Variants in TKT observed in about 807,000 individuals in gnomAD.
TKT encodes transketolase, also known as epididymis luminal protein 107.
TKT carries 47 observed loss-of-function variants against 63.9 expected under a neutral mutation model. That is an observed-to-expected ratio of 0.74 (90% confidence interval 0.58 to 0.94). The LOEUF is 0.94. TKT is among the 40% of genes least tolerant of loss of function. The pLI, the probability that TKT is intolerant of heterozygous loss-of-function variation, is 0.00. For synonymous variants in TKT, 338 were observed against 334.1 expected (o/e 1.01, Z -0.13); for missense variants, 721 against 846.2 (o/e 0.85, Z 1.84).
At chr3:53,254,282 G>A (rs1705882608) in intron 1 of TKT, among the ~76,000 whole-genome samples, 1 of 152,198 alleles carries the variant, frequency 6.6e-6, no homozygotes, top group Non-Finnish European at 1.5e-5. Flanking sequence ...GAGCTACCGT[G>A]TGCCAGGCTG....
chr3:53,225,738 C>T lies in TKT; in HGVS notation c.*18G>A, dbSNP rs781905228. The T allele has an allele frequency of 2.8e-5, 45 of 1,595,742 alleles. No homozygotes were observed. The highest frequency in any genetic ancestry group is 3.9e-5 in the Non-Finnish European group (45 of 1,167,754). ...TCTCAGGAATGTATAGACCCCCGCCCCACACTTCATACCCGCCCTAGGCCT... is the reference window on the plus strand; with the variant it reads ...TCTCAGGAATGTATAGACCCCCGCCTCACACTTCATACCCGCCCTAGGCCT... On this transcript the variant is annotated 3_prime_UTR_variant, in exon 14 of 14. Coordinates refer to ENST00000462138, the MANE Select transcript of TKT (RefSeq NM_001064.4).
intron 1 of TKT, among the ~76,000 whole-genome samples, chr3:53,251,921 C>T (rs1213798449): frequency 6.6e-6 from 1 of 152,194 alleles, no homozygotes; most frequent in Non-Finnish European, 1.5e-5. Flanking sequence ...GGGCGGATCA[C>T]CTGAGGTCAG....
At chr3:53,247,659 A>AAAAAAACC in intron 1 of TKT, among the ~76,000 whole-genome samples, 1 of 145,588 alleles carries the variant, frequency 6.9e-6, no homozygotes, top group Non-Finnish European at 1.5e-5. Flanking sequence ...AAAAAAAAAT[A>AAAAAAACC]CTCAGGAGAG....
intron 4 of TKT, among the ~76,000 whole-genome samples, chr3:53,239,974 A>G (rs1453761881): frequency 6.6e-6 from 1 of 152,182 alleles, no homozygotes; most frequent in African/African-American, 2.4e-5. Flanking sequence ...AGAGCACATG[A>G]TTGAGAGCAC....
intron 1 of TKT, among the ~76,000 whole-genome samples, chr3:53,249,978 G>GC (rs1705679091): frequency 6.6e-6 from 1 of 152,222 alleles, no homozygotes; most frequent in Admixed American, 6.5e-5. Context: ...CACAACAGGG[G>GC]CCGGACATCA....
In TKT at chr3:53,230,506, T is replaced by C. The variant is rs1407846779; in HGVS notation, c.1058A>G (p.Lys353Arg). 10 of 1,614,036 alleles carry C rather than the reference T, an allele frequency of 6.2e-6. No homozygotes were observed. The highest frequency in any genetic ancestry group is 8.5e-6 in the Non-Finnish European group (10 of 1,179,974). ...CTCGATGAAGCGGTCCGGGTGCTCCTTTTTGAAGATCTCCGAGAAGGTGGA... is the reference window on the plus strand; with the variant it reads ...CTCGATGAAGCGGTCCGGGTGCTCCCTTTTGAAGATCTCCGAGAAGGTGGA... ...KNSTFSEIFK[K>R]EHPDRFIECY... The change falls in exon 8 of 14, where the codon AAG becomes AGG. Residue 353 changes from lysine (K) to arginine (R), a missense_variant. Physicochemically the swap from Lys to Arg is conservative, Grantham distance 26 (BLOSUM62 2). Coordinates refer to ENST00000462138, the MANE Select transcript of TKT (RefSeq NM_001064.4).
chr3:53,250,406 T>C (rs1447815998), intron 1 of TKT, among the ~76,000 whole-genome samples: 1 of 152,096 alleles, frequency 6.6e-6, no homozygotes, highest in Non-Finnish European at 1.5e-5. Flanking sequence ...CAGCGGGCGG[T>C]GGGACCCCGG....
intron 1 of TKT, among the ~76,000 whole-genome samples, chr3:53,255,047 T>G (rs534244856): frequency 3.9e-5 from 6 of 152,180 alleles, no homozygotes; most frequent in Non-Finnish European, 5.9e-5. Flanking sequence ...TCAGTCTCCT[T>G]GCCCTCCGCC....
In TKT at chr3:53,241,126, A is replaced by C. The variant is rs1705252234; in HGVS notation, c.339+6T>G. The C allele has an allele frequency of 6.5e-7, 1 of 1,549,724 alleles. No homozygotes were observed. The highest frequency in any genetic ancestry group is 8.6e-7 in the Non-Finnish European group (1 of 1,156,898). ...AGGCATGGGAGGCTCTGGCAGGAGC[A>C]CTTACCGGGACCGGGTGCCCGTCCA... On this transcript the variant is annotated splice_donor_region_variant and intron_variant, in intron 3 of 13. Coordinates refer to ENST00000462138, the MANE Select transcript of TKT (RefSeq NM_001064.4).
intron 1 of TKT, among the ~76,000 whole-genome samples, chr3:53,245,178 C>T (rs1330520421): frequency 1.6e-4 from 25 of 151,664 alleles, no homozygotes; most frequent in Admixed American, 6.6e-5. Flanking sequence ...TGGTGGTGGA[C>T]GCCTGTAATC....
At chr3:53,228,687 CCA>C in intron 10 of TKT, 2 of 509,556 alleles carry the variant, frequency 3.9e-6, no homozygotes. Context: ...CGGGCCTGGA[CCA>C]CAGGGCTCAG....
rs1330594047 is a variant in TKT at position 53,235,314 on chromosome 3, C to T, written c.438-140G>A. On this transcript the variant is annotated intron_variant, in intron 4 of 13. Transcript: ENST00000462138. ...ATGCAGAACAGATGGCATTTACACT[C>T]GAGGGGCAACAGTGTCACCAGGTTC... 9.8e-5 allele frequency: 69 copies of T among 704,078 alleles called. No homozygotes were observed. The South Asian group carries it at 1.5e-3, about 15-fold the overall frequency. 43.6% of individuals were successfully genotyped at this position (704,078 alleles called of 1,614,324 possible).
chr3:53,230,390 C>T (rs1575560868), intron 8 of TKT, 67 bp downstream of exon 8: 7 of 1,599,606 alleles, frequency 4.4e-6, no homozygotes, highest in Non-Finnish European at 6.0e-6. Flanking sequence ...AACATGGCTG[C>T]CCCGCACCCC....
At position 53,241,390 on chromosome 3, in the gene TKT, T is replaced by A. The variant is rs1442936851; in HGVS notation, c.226-145A>T. ...GGGGAGGAAGCAAGTGAAGGCCACT[T>A]CTCCCCTTTCAGCCCTCTTCAGCCT... is the stretch of plus-strand genomic sequence containing the variant. On this transcript the variant is annotated intron_variant, in intron 2 of 13. Coordinates refer to ENST00000462138, the MANE Select transcript of TKT (RefSeq NM_001064.4). 6 of 664,492 alleles carry A rather than the reference T, an allele frequency of 9.0e-6. No homozygotes were observed. The Admixed American group carries it at 1.8e-4, about 20-fold the overall frequency. The allele number at this position is 664,492 out of a possible 1,614,324, so 41.2% of individuals were successfully genotyped here.
In TKT at chr3:53,243,659, C is replaced by T. The variant is rs12635973; in HGVS notation, c.108-1417G>A. 2,241 of 455,824 alleles carry T rather than the reference C, an allele frequency of 4.9e-3. 16 individuals carry two copies. The highest frequency in any genetic ancestry group is 6.7e-3 in the Non-Finnish European group (1,527 of 226,740). 28.2% of individuals were successfully genotyped at this position (455,824 alleles called of 1,614,324 possible). On this transcript the variant is annotated intron_variant, in intron 1 of 13. Transcript: ENST00000462138. ...AGGGGAGGACATGGTAAACGAGAAA[C>T]CCTTTTCTGCCTGGCAGGGACCCTA...
intron 5 of TKT, chr3:53,234,154 A>C (rs1405758881): frequency 1.3e-5 from 2 of 152,252 alleles, no homozygotes; most frequent in Non-Finnish European, 2.9e-5. Context: ...TGTCCAACAG[A>C]GATTATTTCC....
chr3:53,251,185 C>T (rs1362598081), intron 1 of TKT, among the ~76,000 whole-genome samples: 1 of 152,222 alleles, frequency 6.6e-6, no homozygotes, highest in East Asian at 1.9e-4. Flanking sequence ...AGCTGTGGGT[C>T]AGAAACCCTG....
At chr3:53,252,857 G>C (rs1192198629) in intron 1 of TKT, among the ~76,000 whole-genome samples, 1 of 130,510 alleles carries the variant, frequency 7.7e-6, no homozygotes, top group South Asian at 2.3e-4. Context: ...TTTTTTTTTT[G>C]AGAAGAAGTT....
chr3:53,232,033 C>T lies in TKT; in HGVS notation c.749-483G>A, dbSNP rs115166443. ...CAGGGTCACCCAATGCATCTGTGAG[C>T]AGCAGAGGAGTCTATAAGCACCTAG... On this transcript the variant is annotated intron_variant, in intron 6 of 13. Transcript: ENST00000462138. 5.5e-3 allele frequency: 1,617 copies of T among 293,526 alleles called. 20 individuals are homozygous for T. Among genetic ancestry groups the T allele is most frequent in the African/African-American group, 0.032 (1,507 of 46,392 alleles). The allele number at this position is 293,526 out of a possible 1,614,324, so 18.2% of individuals were successfully genotyped here.
Sources: gnomAD v4.1 joint callset for allele counts (sites outside exome capture counted in the v4.1 genomes callset) on GRCh38, gnomAD v4.1.1 for gene constraint, MANE v1.5 for transcripts, NCBI Gene and HGNC (gene_info 2026-07-23, HGNC 2026-07-21) for gene names.